Variants in LRRC4C observed in about 807,000 individuals in gnomAD.
The protein encoded by LRRC4C is leucine rich repeat containing 4C.
A neutral mutation model predicts 33.6 loss-of-function variants in LRRC4C; 5 were observed. The observed-to-expected ratio is 0.15, with a 90% CI of 0.08 to 0.31. The LOEUF is 0.31. LRRC4C is among the 10% of genes least tolerant of loss of function. The pLI is 1.00. For synonymous variants in LRRC4C, 329 were observed against 302.0 expected, an observed-to-expected ratio of 1.09 and a Z score of -0.93; for missense variants, 560 against 796.7, an observed-to-expected ratio of 0.70 and a Z score of 3.58.
rs1432350264 is a variant in LRRC4C, at chr11:41,369,990, CA to C, written c.-496+89440del. ...TATAGAAACAAAATTTTGAATTATT[CA>C]ACAAATATTTTACATTTTTTTCAAA... On this transcript the variant is annotated intron_variant, in intron 1 of 6. Transcript: ENST00000528697. 2.6e-5 allele frequency among the ~76,000 whole-genome samples: 4 copies of C among 152,188 alleles called. No individual in the cohort carries two copies. The South Asian group carries it at 8.3e-4, about 32-fold the overall frequency.
chr11:40,706,424 A>T (rs894709014), intron 2 of LRRC4C, among the ~76,000 whole-genome samples: 3 of 152,200 alleles, frequency 2.0e-5, no homozygotes, highest in African/African-American at 4.8e-5. Context: ...AGCTTTCTAC[A>T]TATGGCCAGC....
intron 1 of LRRC4C, among the ~76,000 whole-genome samples, chr11:40,981,237 A>T (rs1375322154): frequency 6.6e-6 from 1 of 152,072 alleles, no homozygotes; most frequent in African/African-American, 2.4e-5. Flanking sequence ...AACATGGTGA[A>T]ACCCCGTCTC....
intron 6 of LRRC4C, among the ~76,000 whole-genome samples, chr11:40,123,369 G>A (rs971505459): frequency 1.3e-5 from 2 of 152,030 alleles, no homozygotes; most frequent in South Asian, 2.1e-4. Flanking sequence ...CCAAAAAACT[G>A]TTAGAACTGA....
chr11:40,165,876 C>T (rs563971340), intron 5 of LRRC4C, among the ~76,000 whole-genome samples: 5 of 151,966 alleles, frequency 3.3e-5, no homozygotes, highest in Non-Finnish European at 5.9e-5. Flanking sequence ...AACTGGGAGG[C>T]GGAGGTTGCA....
chr11:40,381,954 G>GTTTT lies in LRRC4C; in HGVS notation c.-269-62237_-269-62234dup, dbSNP rs34415574. ...ATGGACAAAATGTTTATCAGTCAGCGTTTTTTTTTTTTTTTTTTTTTTGAG... is the reference window on the plus strand; with the variant it reads ...ATGGACAAAATGTTTATCAGTCAGCGTTTTTTTTTTTTTTTTTTTTTTTTTTGAG... On this transcript the variant is annotated intron_variant, in intron 3 of 6. Coordinates refer to ENST00000528697, the MANE Select transcript of LRRC4C (RefSeq NM_001258419.2). Among the ~76,000 whole-genome samples the GTTTT allele has an allele frequency of 6.5e-3, 557 of 85,874 alleles. 18 individuals carry two copies. The highest frequency in any genetic ancestry group is 8.2e-3 in the Non-Finnish European group (384 of 46,614). The allele number at this position is 85,874 out of a possible 152,430, so 56.3% of individuals were successfully genotyped here.
chr11:41,212,385 C>T (rs1235056316), intron 1 of LRRC4C, among the ~76,000 whole-genome samples: 1 of 152,182 alleles, frequency 6.6e-6, no homozygotes, highest in Non-Finnish European at 1.5e-5. Flanking sequence ...TGCTTAAACA[C>T]AACACCTTTT....
chr11:40,372,209 T>C lies in LRRC4C; in HGVS notation c.-269-52488A>G, dbSNP rs79780386. ...CCCAAAGAGGTTAAATTATTCAATG[T>C]CCATTTCTGACATGGCCATGGAGGA... On this transcript the variant is annotated intron_variant, in intron 3 of 6. Transcript: ENST00000528697. Among the ~76,000 whole-genome samples the C allele has an allele frequency of 7.3e-3, 1,115 of 152,318 alleles. 13 individuals are homozygous for C. Among genetic ancestry groups the C allele is most frequent in the African/African-American group, 0.025 (1,057 of 41,570 alleles).
intron 1 of LRRC4C, among the ~76,000 whole-genome samples, chr11:41,437,194 T>C (rs1339215087): frequency 3.3e-5 from 5 of 152,202 alleles, no homozygotes; most frequent in Non-Finnish European, 5.9e-5. Context: ...CTACTTCAGC[T>C]TCCTGAATTG....
intron 6 of LRRC4C, among the ~76,000 whole-genome samples, chr11:40,135,859 ATAAACTT>A (rs1365073871): frequency 2.0e-5 from 3 of 152,210 alleles, no homozygotes; most frequent in African/African-American, 7.2e-5. Flanking sequence ...TACCGCAAAA[ATAAACTT>A]TAATAAGAAA....
intron 3 of LRRC4C, among the ~76,000 whole-genome samples, chr11:40,495,420 C>A (rs1014334610): frequency 6.6e-6 from 1 of 152,076 alleles, no homozygotes; most frequent in African/African-American, 2.4e-5. Flanking sequence ...CACAAATAAC[C>A]TTTGAGTAGA....
chr11:40,609,258 C>T (rs1406255926), intron 3 of LRRC4C, among the ~76,000 whole-genome samples: 7 of 151,830 alleles, frequency 4.6e-5, no homozygotes, highest in African/African-American at 1.5e-4. Flanking sequence ...AAATCAACAA[C>T]AGAAGGAAAA....
At chr11:41,430,899 T>G (rs1955210258) in intron 1 of LRRC4C, among the ~76,000 whole-genome samples, 1 of 152,064 alleles carries the variant, frequency 6.6e-6, no homozygotes, top group South Asian at 2.1e-4. Context: ...ATATATGGAA[T>G]TTACATGAGG....
At chr11:41,315,842 A>C (rs182194113) in intron 1 of LRRC4C, among the ~76,000 whole-genome samples, 43 of 152,360 alleles carry the variant, frequency 2.8e-4, no homozygotes, top group African/African-American at 9.9e-4. Context: ...GCTATGAACC[A>C]TGTCTCCACA....
chr11:41,031,689 G>T (rs987882031), intron 1 of LRRC4C, among the ~76,000 whole-genome samples: 2 of 151,940 alleles, frequency 1.3e-5, no homozygotes, highest in Admixed American at 6.6e-5. Flanking sequence ...TAAATCCAGT[G>T]GGTAGAAAAG....
intron 5 of LRRC4C, among the ~76,000 whole-genome samples, chr11:40,198,655 A>G (rs1261745535): frequency 2.0e-5 from 3 of 152,174 alleles, no homozygotes; most frequent in East Asian, 3.9e-4. Context: ...ATAGGCACCC[A>G]TCCGTGCCCA....
intron 1 of LRRC4C, among the ~76,000 whole-genome samples, chr11:41,091,774 A>G (rs1226002289): frequency 1.3e-5 from 2 of 152,130 alleles, no homozygotes; most frequent in Non-Finnish European, 2.9e-5. Context: ...AATAGTTAAC[A>G]TTTTTGAACA....
intron 1 of LRRC4C, among the ~76,000 whole-genome samples, chr11:41,389,175 G>T (rs945104565): frequency 3.3e-5 from 5 of 151,612 alleles, no homozygotes; most frequent in African/African-American, 1.2e-4. Context: ...TTAGCAAAAA[G>T]ATAAAATATC....
chr11:41,421,792 T>C (rs973800489), intron 1 of LRRC4C, among the ~76,000 whole-genome samples: 2 of 151,972 alleles, frequency 1.3e-5, no homozygotes, highest in Non-Finnish European at 2.9e-5. Flanking sequence ...ATTATGAATG[T>C]GGAATCAGCA....
At chr11:40,784,932 A>T (rs1171546867) in intron 2 of LRRC4C, among the ~76,000 whole-genome samples, 1 of 152,182 alleles carries the variant, frequency 6.6e-6, no homozygotes, top group African/African-American at 2.4e-5. Context: ...AAAGGGAGGA[A>T]GAAAATGTGA....
Sources: allele counts gnomAD v4.1 joint callset (sites outside exome capture counted in the v4.1 genomes callset), GRCh38; gene constraint gnomAD v4.1.1; transcripts MANE v1.5; gene names NCBI Gene and HGNC (gene_info 2026-07-23, HGNC 2026-07-21).